Variants in SCN11A observed in about 807,000 individuals in gnomAD.
SCN11A encodes sodium channel protein type 11 subunit alpha.
Under a neutral mutation model 162.2 loss-of-function variants are expected in SCN11A, and 122 were observed. That is an observed-to-expected ratio of 0.75 (90% CI 0.65 to 0.87). The LOEUF is 0.87. SCN11A is among the 40% of genes least tolerant of loss of function. The pLI, the probability that SCN11A is intolerant of heterozygous loss-of-function variation, is 0.00. For missense variants in SCN11A, 2,015 were observed against 2,181.6 expected (o/e 0.92, Z 1.52); for synonymous variants, 758 against 751.5 (o/e 1.01, Z -0.14).
intron 2 of SCN11A, among the ~76,000 whole-genome samples, chr3:38,978,180 G>A (rs2066860526): frequency 6.6e-6 from 1 of 152,172 alleles, no homozygotes; most frequent in Admixed American, 6.5e-5. Flanking sequence ...GCTTCCTGCA[G>A]AACCCACACT....
rs773359255 is a variant in SCN11A, at chr3:38,950,081, C to CCCCCCCCCCCCA, written c.267+14_267+15insTGGGGGGGGGGG. 4.7e-6 allele frequency: 1 copy of CCCCCCCCCCCCA among 214,666 alleles called. No individual in the cohort carries two copies. The highest frequency in any genetic ancestry group is 1.0e-5 in the Non-Finnish European group (1 of 99,690). The allele number at this position is 214,666 out of a possible 1,614,324, so 13.3% of individuals were successfully genotyped here. ...CACCCCCACCCCCACCCCCCCCCCC[C>CCCCCCCCCCCCA]GCCCAATGAAGTACCTTATGATTTC... On this transcript the variant is annotated intron_variant, in intron 5 of 29. Transcript: ENST00000302328.
At chr3:38,946,229 G>A (rs2125573571) in intron 6 of SCN11A, among the ~76,000 whole-genome samples, 1 of 152,256 alleles carries the variant, frequency 6.6e-6, no homozygotes, top group Middle Eastern at 3.4e-3. Context: ...GTGAGACAGA[G>A]CTTACATGCC....
At chr3:38,960,176 C>T (rs2066726951) in intron 3 of SCN11A, among the ~76,000 whole-genome samples, 107 bp downstream of exon 3, 1 of 152,098 alleles carries the variant, frequency 6.6e-6, no homozygotes, top group Non-Finnish European at 1.5e-5. Context: ...AAAATAATCA[C>T]AAAAGGCCTG....
chr3:38,919,709 T>C (rs112061251), intron 11 of SCN11A, among the ~76,000 whole-genome samples: 89 of 152,338 alleles, frequency 5.8e-4, no homozygotes, highest in African/African-American at 2.0e-3. Flanking sequence ...TCAGTAGGTT[T>C]CTTATAAGCT....
chr3:39,051,173 T>C lies in SCN11A; in HGVS notation c.-404+688A>G, dbSNP rs149715254. Among the ~76,000 whole-genome samples the C allele has an allele frequency of 5.3e-3, 805 of 152,182 alleles. 8 individuals are homozygous for C. Among genetic ancestry groups the C allele is most frequent in the African/African-American group, 0.018 (761 of 41,530 alleles). ...GGGGTACAAGTGCAGGTTTGTTATA[T>C]AGGTAAACTTGTGTCACGGGTGTTT... is the stretch of plus-strand genomic sequence containing the variant. On this transcript the variant is annotated intron_variant, in intron 1 of 29. Transcript: ENST00000302328.
intron 2 of SCN11A, among the ~76,000 whole-genome samples, 51 bp downstream of exon 2, chr3:39,032,329 T>C (rs1043587819): frequency 2.6e-5 from 4 of 152,194 alleles, no homozygotes; most frequent in Non-Finnish European, 4.4e-5. Flanking sequence ...AAATATATTT[T>C]CAAAATATAT....
At chr3:38,964,484 A>G (rs2066769112) in intron 2 of SCN11A, among the ~76,000 whole-genome samples, 1 of 152,212 alleles carries the variant, frequency 6.6e-6, no homozygotes, top group Admixed American at 6.5e-5. Context: ...AGAACCATAA[A>G]AAAGCAAGAG....
chr3:38,890,054 T>C (rs916160503), intron 19 of SCN11A, among the ~76,000 whole-genome samples: 1 of 151,900 alleles, frequency 6.6e-6, no homozygotes, highest in Non-Finnish European at 1.5e-5. Flanking sequence ...TCTAAATTTC[T>C]GGTGAGTGTG....
At chr3:39,050,735 AC>A (rs1293204946) in intron 1 of SCN11A, among the ~76,000 whole-genome samples, 1 of 152,234 alleles carries the variant, frequency 6.6e-6, no homozygotes, top group Admixed American at 6.5e-5. Flanking sequence ...AGCCTAATAT[AC>A]CCCCAAACAT....
intron 2 of SCN11A, among the ~76,000 whole-genome samples, chr3:38,977,090 C>G (rs1016580276): frequency 6.6e-6 from 1 of 152,200 alleles, no homozygotes; most frequent in African/African-American, 2.4e-5. Flanking sequence ...GACCTCCTAC[C>G]ATGGATTTGG....
At chr3:38,903,391 C>T (rs2065735392) in intron 16 of SCN11A, among the ~76,000 whole-genome samples, 1 of 152,062 alleles carries the variant, frequency 6.6e-6, no homozygotes. Flanking sequence ...CCCAGCCTGA[C>T]CAACCCCCAA....
At chr3:38,919,437 G>A (rs2066011140) in intron 11 of SCN11A, among the ~76,000 whole-genome samples, 1 of 152,140 alleles carries the variant, frequency 6.6e-6, no homozygotes, top group African/African-American at 2.4e-5. Context: ...CTAACCTGAA[G>A]GAAAAAAGAG....
In SCN11A at chr3:38,850,606, A is replaced by G; in HGVS notation, c.4202T>C (p.Leu1401Pro). ...PKAMKSILDH[L>P]NWVFVVIFTL... is the part of the protein sequence containing the mutation. ...AAAGATGACCACAAAGACCCAGTTG[A>G]GATGGTCAAGGATGGATTTCATGGC... Residue 1401 changes from leucine (L) to proline (P), a missense_variant, in exon 29 of 30, where the codon CTC (leucine) becomes CCC (proline). Physicochemically the swap from Leu to Pro is moderately conservative, Grantham distance 98. Coordinates refer to ENST00000302328, the MANE Select transcript of SCN11A (RefSeq NM_001349253.2). The G allele has an allele frequency of 6.2e-7, 1 of 1,614,028 alleles. No individual in the cohort carries two copies. Among genetic ancestry groups the G allele is most frequent in the Non-Finnish European group, 8.5e-7 (1 of 1,179,910 alleles).
intron 22 of SCN11A, among the ~76,000 whole-genome samples, chr3:38,881,327 T>C (rs1443930592): frequency 6.6e-6 from 1 of 152,206 alleles, no homozygotes; most frequent in Non-Finnish European, 1.5e-5. Flanking sequence ...TCTTTCCTAC[T>C]AGACTTCAGG....
chr3:38,880,688 A>G, intron 22 of SCN11A, among the ~76,000 whole-genome samples: 1 of 152,212 alleles, frequency 6.6e-6, no homozygotes, highest in Admixed American at 6.5e-5. Flanking sequence ...GTGCCATGAC[A>G]TTAACAAAAT....
intron 2 of SCN11A, among the ~76,000 whole-genome samples, chr3:39,006,807 A>C (rs887890824): frequency 2.6e-5 from 4 of 152,090 alleles, no homozygotes; most frequent in Non-Finnish European, 5.9e-5. Flanking sequence ...GTCTCAGAAA[A>C]ACCAAAACCA....
At chr3:39,004,339 G>A (rs909046157) in intron 2 of SCN11A, among the ~76,000 whole-genome samples, 36 of 152,038 alleles carry the variant, frequency 2.4e-4, no homozygotes, top group East Asian at 1.2e-3. Flanking sequence ...GTAGGTGTGC[G>A]GCCTTATTTC....
chr3:38,926,995 T>C (rs2066153565), intron 7 of SCN11A, 64 bp from the exon 8 acceptor site: 1 of 1,488,928 alleles, frequency 6.7e-7, no homozygotes, highest in African/African-American at 1.4e-5. Flanking sequence ...CAAAGAGCCC[T>C]TCTATCTTAC....
chr3:38,945,480 A>G lies in SCN11A; in HGVS notation c.419T>C (p.Ile140Thr). The G allele has an allele frequency of 1.3e-6, 2 of 1,590,252 alleles. No homozygotes were observed. The highest frequency in any genetic ancestry group is 1.7e-5 in the Admixed American group (1 of 58,290). The change falls in exon 7 of 30, where the codon ATC becomes ACC. Residue 140 changes from isoleucine (I) to threonine (T), a missense_variant. By Grantham distance (89) the Ile-to-Thr change is moderately conservative. Transcript: ENST00000302328. Reference protein sequence around the residue: ...LFSMFIIGTVIINCVFMATGP... With the variant: ...LFSMFIIGTVTINCVFMATGP... ...TGTAGCCATGAACACGCAGTTGATGATAACGGTGCCGATAATGAACATGCT... is the reference window on the plus strand; with the variant it reads ...TGTAGCCATGAACACGCAGTTGATGGTAACGGTGCCGATAATGAACATGCT...
Sources: gnomAD v4.1 joint callset for allele counts (sites outside exome capture counted in the v4.1 genomes callset) on GRCh38, gnomAD v4.1.1 for gene constraint, MANE v1.5 for transcripts, NCBI Gene and HGNC (gene_info 2026-07-23, HGNC 2026-07-21) for gene names.